TUBB3: variants seen among roughly 807,000 people sequenced by gnomAD.
The protein encoded by TUBB3 is tubulin beta 3 class III.
A neutral mutation model predicts 37.8 loss-of-function variants in TUBB3; 17 were observed. The observed-to-expected ratio is 0.45, with a 90% CI of 0.31 to 0.67. The LOEUF (loss-of-function observed/expected upper bound fraction) is 0.67, where lower values mean the gene tolerates loss of function less well. TUBB3 is among the 30% of genes least tolerant of loss of function. TUBB3 has a pLI of 0.07. For synonymous variants in TUBB3, 332 were observed against 278.9 expected (o/e 1.19, Z -1.90); for missense variants, 262 against 657.9 (o/e 0.40, Z 6.58).
chr16:89,931,062 C>A (rs905738183), intron 1 of TUBB3, among the ~76,000 whole-genome samples: 26 of 151,954 alleles, frequency 1.7e-4, no homozygotes, highest in African/African-American at 4.6e-4. Flanking sequence ...CTCCTGACTT[C>A]GTGATCCACC....
intron 1 of TUBB3, 133 bp downstream of exon 1, chr16:89,923,591 G>C (rs1324947302): frequency 1.2e-5 from 11 of 896,346 alleles, no homozygotes; most frequent in Non-Finnish European, 1.6e-5. Context: ...GCGCCGCGCC[G>C]GGCGGCCGGG....
chr16:89,931,826 G>C (rs936896883), intron 1 of TUBB3: 13 of 407,782 alleles, frequency 3.2e-5, no homozygotes, highest in African/African-American at 2.3e-4. Flanking sequence ...AGTCCGAGAA[G>C]CACTGCAGGC....
intron 1 of TUBB3, 148 bp downstream of exon 1, chr16:89,923,606 G>A (rs1052286014): frequency 4.0e-6 from 3 of 746,680 alleles, no homozygotes; most frequent in African/African-American, 3.8e-5. Context: ...GCCGGGACGC[G>A]GGGCCCCCGC....
At chr16:89,928,947 C>T (rs28549081) in intron 1 of TUBB3, among the ~76,000 whole-genome samples, 22,896 of 151,126 alleles carry the variant, frequency 0.15, 2,785 homozygotes, top group African/African-American at 0.33. Context: ...CAGGCGTGAG[C>T]CACCGCGCCC....
In TUBB3 at chr16:89,934,864, C is replaced by T. The variant is rs1567764909; in HGVS notation, c.413C>T (p.Ser138Leu). The change falls in exon 4 of 4, where the codon TCG becomes TTG. Residue 138 changes from serine to leucine, a missense_variant. By Grantham distance (145) the Ser-to-Leu change is moderately radical. This residue lies in a region of TUBB3 where 165 missense variants were observed against 556.8 expected (regional missense o/e 0.30). Coordinates refer to ENST00000315491, the MANE Select transcript of TUBB3 (RefSeq NM_006086.4). ...CTGCAGGGCTTCCAGCTGACCCACT[C>T]GCTGGGGGGCGGCACGGGCTCCGGC... is the stretch of plus-strand genomic sequence containing the variant. Reference protein sequence around the residue: ...DCLQGFQLTHSLGGGTGSGMG... With the variant: ...DCLQGFQLTHLLGGGTGSGMG... 4 of 1,614,088 alleles carry T rather than the reference C, an allele frequency of 2.5e-6. No individual in the cohort carries two copies. Among genetic ancestry groups the T allele is most frequent in the Admixed American group, 1.7e-5 (1 of 60,028 alleles).
intron 1 of TUBB3, among the ~76,000 whole-genome samples, chr16:89,932,324 G>T (rs2030306053): frequency 1.3e-5 from 2 of 152,374 alleles, no homozygotes; most frequent in East Asian, 3.9e-4. Context: ...CCTGGGTGTG[G>T]GTCTGTTGAA....
chr16:89,928,783 C>G (rs1259560371), intron 1 of TUBB3, among the ~76,000 whole-genome samples: 1 of 152,110 alleles, frequency 6.6e-6, no homozygotes, highest in Non-Finnish European at 1.5e-5. Flanking sequence ...CTCGGCCTCC[C>G]AAAGTGCTAG....
chr16:89,923,524 G>C, intron 1 of TUBB3, 66 bp downstream of exon 1: 1 of 1,309,850 alleles, frequency 7.6e-7, no homozygotes. Context: ...CGTGCCCCGC[G>C]GGCCGCACCT....
intron 1 of TUBB3, among the ~76,000 whole-genome samples, chr16:89,925,892 A>G (rs947226682): frequency 2.6e-5 from 4 of 152,224 alleles, no homozygotes; most frequent in African/African-American, 7.2e-5. Flanking sequence ...CCGGGCGGTC[A>G]CGCGGCAGCG....
At chr16:89,931,049 G>A (rs1260999992) in intron 1 of TUBB3, among the ~76,000 whole-genome samples, 3 of 151,894 alleles carry the variant, frequency 2.0e-5, no homozygotes, top group South Asian at 2.1e-4. Flanking sequence ...GGATGGTCTC[G>A]ATCTCCTGAC....
In TUBB3 at chr16:89,936,040, T is replaced by C. The variant is rs552992016; in HGVS notation, c.*236T>C. ...GACGTTTTACGGTTTTGTTTTTTAC[T>C]GGTTTGTGTTTATATTTTCGGGGAT... On this transcript the variant is annotated 3_prime_UTR_variant, in exon 4 of 4. Coordinates refer to ENST00000315491, the MANE Select transcript of TUBB3 (RefSeq NM_006086.4). 9.9e-5 allele frequency: 60 copies of C among 604,388 alleles called. No individual in the cohort carries two copies. The Admixed American group carries it at 1.4e-3, about 14-fold the overall frequency. The allele number at this position is 604,388 out of a possible 1,614,324, so 37.4% of individuals were successfully genotyped here. A position where few individuals can be genotyped will look rare whatever the true frequency, so the allele number is the denominator to read the frequency against.
At chr16:89,933,885 G>A (rs933534483) in intron 3 of TUBB3, 4 of 666,298 alleles carry the variant, frequency 6.0e-6, no homozygotes, top group Non-Finnish European at 1.1e-5. Flanking sequence ...CCAGGAGCAC[G>A]AGGCCTTGCT....
rs754683361 is a variant in TUBB3 at position 89,933,511 on chromosome 16, C to G, written c.210C>G (p.Pro70=). The stretch of plus-strand genomic sequence containing the variant: ...GAGCCATTCTGGTGGACCTGGAACC[C>G]GGAACCATGGACAGTGTCCGCTCAG... ...VPRAILVDLE[P]GTMDSVRSGA... Residue 70 remains proline (P), a synonymous_variant, in exon 3 of 4, where the codon CCC becomes CCG. Transcript: ENST00000315491. The G allele has an allele frequency of 4.3e-6, 7 of 1,614,128 alleles. No homozygotes were observed. In the East Asian group the frequency reaches 1.3e-4, roughly 31 times the overall value.
At chr16:89,932,925 C>A (rs568280021) in intron 2 of TUBB3, 5 of 560,630 alleles carry the variant, frequency 8.9e-6, no homozygotes, top group Non-Finnish European at 1.6e-5. Flanking sequence ...TGTGCGTGTC[C>A]AGGGGCACAG....
intron 2 of TUBB3, 152 bp from the exon 3 acceptor site, chr16:89,933,316 G>A: frequency 1.3e-6 from 1 of 781,210 alleles, no homozygotes; most frequent in Non-Finnish European, 2.3e-6. Context: ...GAAAGTTGCT[G>A]AAGCTTGCCT....
intron 1 of TUBB3, among the ~76,000 whole-genome samples, chr16:89,929,571 A>C (rs923349442): frequency 1.3e-5 from 2 of 152,244 alleles, no homozygotes; most frequent in Non-Finnish European, 2.9e-5. Context: ...TGTGCACGTG[A>C]GAAAATCTCA....
upstream of TUBB3, chr16:89,923,326 G>A: frequency 3.8e-5 from 48 of 1,272,734 alleles, no homozygotes; most frequent in Non-Finnish European, 4.9e-5. Context: ...AGAGCGCGCG[G>A]CCGCGGTCCC....
At chr16:89,925,017 G>C (rs2030024945) in intron 1 of TUBB3, among the ~76,000 whole-genome samples, 1 of 151,990 alleles carries the variant, frequency 6.6e-6, no homozygotes, top group South Asian at 2.1e-4. Flanking sequence ...AGGGCAGGCA[G>C]CCCTGGGGCC....
chr16:89,931,907 C>T (rs552673416), intron 1 of TUBB3: 8 of 378,442 alleles, frequency 2.1e-5, no homozygotes, highest in African/African-American at 1.3e-4. Context: ...TGAGACGATG[C>T]CAGCCTCACA....
Sources: allele counts gnomAD v4.1 joint callset (sites outside exome capture counted in the v4.1 genomes callset), GRCh38; gene constraint gnomAD v4.1.1; regional missense constraint gnomAD v4.1.1; transcripts MANE v1.5; gene names NCBI Gene and HGNC (gene_info 2026-07-23, HGNC 2026-07-21).